Variants in SEMA5A observed in about 807,000 individuals in gnomAD.
SEMA5A encodes the protein semaphorin-5A.
SEMA5A carries 55 observed loss-of-function variants against 135.5 expected under a neutral mutation model. The ratio of observed to expected loss-of-function variants is 0.41; its 90% CI spans 0.33 to 0.51. SEMA5A has a LOEUF of 0.51. Among genes scored for constraint, SEMA5A ranks in the 20% least tolerant of loss-of-function variants. The pLI, the probability that SEMA5A is intolerant of heterozygous loss-of-function variation, is 0.37. For synonymous variants in SEMA5A, 580 were observed against 546.5 expected (o/e 1.06, Z -0.85); for missense variants, 1,290 against 1,419.9 (o/e 0.91, Z 1.47).
intron 3 of SEMA5A, among the ~76,000 whole-genome samples, chr5:9,339,095 AT>A (rs536571116): frequency 1.2e-4 from 18 of 152,306 alleles, no homozygotes; most frequent in Non-Finnish European, 2.2e-4. Context: ...TTATAGGCAA[AT>A]CAATTAAAAT....
intron 2 of SEMA5A, among the ~76,000 whole-genome samples, chr5:9,381,152 G>T (rs1258323425): frequency 6.6e-6 from 1 of 152,130 alleles, no homozygotes; most frequent in African/African-American, 2.4e-5. Context: ...AATGTTAGAA[G>T]ATCTTATTAA....
chr5:9,049,151 A>AT (rs1736427435), intron 21 of SEMA5A, among the ~76,000 whole-genome samples: 1 of 149,172 alleles, frequency 6.7e-6, no homozygotes, highest in Non-Finnish European at 1.5e-5. Context: ...GAGCTCTTCT[A>AT]TTATTTATTT....
intron 12 of SEMA5A, among the ~76,000 whole-genome samples, chr5:9,142,708 T>A (rs1742129004): frequency 6.6e-6 from 1 of 152,216 alleles, no homozygotes; most frequent in African/African-American, 2.4e-5. Flanking sequence ...GGCTCATGCC[T>A]GTAATCCCAA....
chr5:9,303,816 T>TA (rs1354530061), intron 5 of SEMA5A, among the ~76,000 whole-genome samples: 10 of 152,168 alleles, frequency 6.6e-5, no homozygotes, highest in African/African-American at 2.4e-4. Context: ...TTGAAAACTA[T>TA]AAGTTTAACA....
At chr5:9,061,094 T>C (rs1737157941) in intron 18 of SEMA5A, among the ~76,000 whole-genome samples, 1 of 151,730 alleles carries the variant, frequency 6.6e-6, no homozygotes, top group African/African-American at 2.4e-5. Flanking sequence ...AGGGGCTGGC[T>C]CCTTGGTGGA....
At position 9,379,994 on chromosome 5, in the gene SEMA5A, G is replaced by A; in HGVS notation, c.-48C>T. ...CTGGGCACGTGTCTTCTAAACAGAA[G>A]CTCTTCTTCTCCTCATGTGTGGAAA... On this transcript the variant is annotated 5_prime_UTR_variant, in exon 3 of 23. Coordinates refer to ENST00000382496, the MANE Select transcript of SEMA5A (RefSeq NM_003966.3). The A allele has an allele frequency of 6.4e-7, 1 of 1,564,264 alleles. No individual in the cohort carries two copies. The highest frequency in any genetic ancestry group is 8.7e-7 in the Non-Finnish European group (1 of 1,153,206).
intron 5 of SEMA5A, among the ~76,000 whole-genome samples, chr5:9,287,980 T>A (rs1282070501): frequency 6.7e-6 from 1 of 150,264 alleles, no homozygotes; most frequent in Non-Finnish European, 1.5e-5. Flanking sequence ...AATAGTAGAT[T>A]CTGAATATTG....
chr5:9,315,970 G>A (rs760036914), intron 5 of SEMA5A, among the ~76,000 whole-genome samples: 1 of 152,042 alleles, frequency 6.6e-6, no homozygotes, highest in Non-Finnish European at 1.5e-5. Context: ...GATCACTTTT[G>A]CCTAAATCGA....
intron 1 of SEMA5A, chr5:9,523,098 T>A (rs1736926980): frequency 6.6e-6 from 1 of 152,192 alleles, no homozygotes. Context: ...TCCTTATTTA[T>A]GTAAAATGGG....
At chr5:9,335,767 T>C (rs1753362206) in intron 4 of SEMA5A, among the ~76,000 whole-genome samples, 2 of 152,114 alleles carry the variant, frequency 1.3e-5, no homozygotes, top group Non-Finnish European at 2.9e-5. Flanking sequence ...CCAACCCCCT[T>C]TTCCCTAAGT....
chr5:9,278,038 G>T lies in SEMA5A; in HGVS notation c.271-40148C>A, dbSNP rs557145766. On this transcript the variant is annotated intron_variant, in intron 5 of 22. Transcript: ENST00000382496. The stretch of plus-strand genomic sequence containing the variant: ...AAAAATGTTTAAATTAAATTTTGGA[G>T]ATGTGTTTATTTTACTTTATCAGTA... Among the ~76,000 whole-genome samples the T allele has an allele frequency of 9.2e-5, 14 of 151,760 alleles. No individual in the cohort carries two copies. The East Asian group carries it at 2.5e-3, about 27-fold the overall frequency.
At chr5:9,420,917 G>C (rs1429264124) in intron 2 of SEMA5A, among the ~76,000 whole-genome samples, 1 of 152,214 alleles carries the variant, frequency 6.6e-6, no homozygotes, top group African/African-American at 2.4e-5. Flanking sequence ...TTGGGAAGCT[G>C]AGGCAGGAGA....
rs538832662 is a variant in SEMA5A at position 9,229,718 on chromosome 5, C to T, written c.334-2751G>A. Among the ~76,000 whole-genome samples the T allele has an allele frequency of 3.9e-4, 59 of 149,732 alleles. 1 individual carries two copies. The highest frequency in any genetic ancestry group is 1.2e-3 in the Admixed American group (18 of 15,110). ...AAAAGCAAGGCAAGATGTAATAAAACTTTTTCCTTTAAAAAAAAAAAAAAA... is the reference window on the plus strand; with the variant it reads ...AAAAGCAAGGCAAGATGTAATAAAATTTTTTCCTTTAAAAAAAAAAAAAAA... On this transcript the variant is annotated intron_variant, in intron 6 of 22. Coordinates refer to ENST00000382496, the MANE Select transcript of SEMA5A (RefSeq NM_003966.3).
chr5:9,250,156 G>T (rs770863989), intron 5 of SEMA5A, among the ~76,000 whole-genome samples: 1 of 152,140 alleles, frequency 6.6e-6, no homozygotes, highest in Non-Finnish European at 1.5e-5. Context: ...AGAGGTCATT[G>T]CAGGCAACCA....
At chr5:9,380,224 C>A in intron 2 of SEMA5A, 1 of 353,768 alleles carries the variant, frequency 2.8e-6, no homozygotes, top group Non-Finnish European at 5.2e-6. Flanking sequence ...GCGTGTATCT[C>A]AATACAGACC....
rs534190564 is a variant in SEMA5A at position 9,325,450 on chromosome 5, G to A, written c.225-7033C>T. 4.6e-5 allele frequency among the ~76,000 whole-genome samples: 7 copies of A among 152,206 alleles called. No individual in the cohort carries two copies. In the South Asian group the frequency reaches 6.2e-4, roughly 14 times the overall value. On this transcript the variant is annotated intron_variant, in intron 4 of 22. Transcript: ENST00000382496. ...GTTTCCCCACTAGACACCTGAGTGC[G>A]TTTTCTACGTCTTCACCAAAGTTTC...
At chr5:9,341,671 A>G (rs925708896) in intron 3 of SEMA5A, among the ~76,000 whole-genome samples, 1 of 78,162 alleles carries the variant, frequency 1.3e-5, no homozygotes. Context: ...TATATAATAT[A>G]TATTATATAT....
chr5:9,438,514 C>T (rs1185598376), intron 1 of SEMA5A, among the ~76,000 whole-genome samples: 1 of 152,148 alleles, frequency 6.6e-6, no homozygotes, highest in Admixed American at 6.5e-5. Context: ...CCACGAAACG[C>T]CAGCCTCCCT....
intron 8 of SEMA5A, among the ~76,000 whole-genome samples, chr5:9,219,085 C>T (rs928578679): frequency 6.6e-6 from 1 of 152,222 alleles, no homozygotes; most frequent in Non-Finnish European, 1.5e-5. Flanking sequence ...ACCAGTAAGA[C>T]AAATTTATGC....
Sources: gnomAD v4.1 joint callset for allele counts (sites outside exome capture counted in the v4.1 genomes callset) on GRCh38, gnomAD v4.1.1 for gene constraint, MANE v1.5 for transcripts, NCBI Gene and HGNC (gene_info 2026-07-23, HGNC 2026-07-21) for gene names.